Variants in NTRK1 observed in about 807,000 individuals in gnomAD.
The protein encoded by NTRK1 is neurotrophic receptor tyrosine kinase 1.
A neutral mutation model predicts 86.8 loss-of-function variants in NTRK1; 62 were observed. The ratio of observed to expected loss-of-function variants is 0.71; its 90% CI spans 0.58 to 0.88. The LOEUF (loss-of-function observed/expected upper bound fraction) is 0.88. Among genes scored for constraint, NTRK1 ranks in the 40% least tolerant of loss-of-function variants. The pLI is 0.00. For synonymous variants in NTRK1, 469 were observed against 456.6 expected, an observed-to-expected ratio of 1.03 and a Z score of -0.35; for missense variants, 967 against 1,078.4, an observed-to-expected ratio of 0.90 and a Z score of 1.45.
chr1:156,848,905 C>A (rs776757652), intron 2 of NTRK1: 2 of 1,554,704 alleles, frequency 1.3e-6, no homozygotes, highest in South Asian at 1.2e-5. Flanking sequence ...GCTCCGGCCC[C>A]GCCCCCGGCA....
Position 156,843,599 on chromosome 1 carries a change from TG to T in NTRK1, c.50+1408del, listed in dbSNP as rs1187781351. On this transcript the variant is annotated intron_variant, in intron 2 of 16. Coordinates refer to the NTRK1 transcript ENST00000392302. Reference sequence around the variant, plus strand: ...AAGTTACTGACCACACCCCCAGCCTTGGTCAGGGTGACTCCTGGGGATCCCT... The same window carrying T: ...AAGTTACTGACCACACCCCCAGCCTTGTCAGGGTGACTCCTGGGGATCCCT... 152 of 1,046,746 alleles carry T rather than the reference TG, an allele frequency of 1.5e-4. No homozygotes were observed. The African/African-American group carries it at 2.2e-3, about 15-fold the overall frequency. 64.8% of individuals were successfully genotyped at this position (1,046,746 alleles called of 1,614,324 possible).
chr1:156,865,470 C>T (rs1177843601), intron 3 of NTRK1, among the ~76,000 whole-genome samples: 3 of 152,188 alleles, frequency 2.0e-5, no homozygotes, highest in East Asian at 3.8e-4. Flanking sequence ...TGACAGGAGG[C>T]GGAGCTCAGG....
intron 2 of NTRK1, chr1:156,852,332 C>T (rs923664003): frequency 3.4e-5 from 28 of 812,804 alleles, no homozygotes; most frequent in South Asian, 1.2e-4. Flanking sequence ...CACTGGTTGC[C>T]GACTCTGTTC....
In NTRK1 at chr1:156,873,699, A is replaced by G. The variant is rs1647704858; in HGVS notation, c.917A>G (p.Asp306Gly). 8 of 1,611,384 alleles carry G rather than the reference A, an allele frequency of 5.0e-6. No homozygotes were observed. The highest frequency in any genetic ancestry group is 6.8e-6 in the Non-Finnish European group (8 of 1,179,398). ...MHHWCIPFSVDGQPAPSLRWL... is the reference protein window; with the variant it reads ...MHHWCIPFSVGGQPAPSLRWL... The stretch of plus-strand genomic sequence containing the variant: ...CACTGGTGCATCCCCTTCTCTGTGG[A>G]TGGGCAGCCGGCACCGTCTCTGCGC... Residue 306 changes from aspartate to glycine, a missense_variant, in exon 8 of 17, where the codon GAT (aspartate) becomes GGT (glycine). Asp to Gly is a moderately conservative substitution (Grantham distance 94). Around this residue, in one of 2 missense-constraint regions of NTRK1, gnomAD observed 637 missense variants for 776.5 expected, o/e 0.82. Transcript: ENST00000524377.
At chr1:156,818,957 C>G (rs1043498107) in intron 1 of NTRK1, among the ~76,000 whole-genome samples, 1 of 152,034 alleles carries the variant, frequency 6.6e-6, no homozygotes, top group African/African-American at 2.4e-5. Context: ...AAAACTGTTC[C>G]CTTTTCACCA....
At chr1:156,864,588 G>C (rs538733103) in intron 2 of NTRK1, 140 bp from the exon 3 acceptor site, 1 of 1,126,386 alleles carries the variant, frequency 8.9e-7, no homozygotes. Context: ...GAGGGGTCTA[G>C]AGTAGTTGAG....
At position 156,860,876 on chromosome 1, in the gene NTRK1, A is replaced by T; in HGVS notation, c.-59A>T. 2 of 1,389,724 alleles carry T rather than the reference A, an allele frequency of 1.4e-6. No homozygotes were observed. The highest frequency in any genetic ancestry group is 5.9e-5 in the East Asian group (2 of 34,154). 86.1% of individuals were successfully genotyped at this position (1,389,724 alleles called of 1,614,324 possible). ...GCGCACATGTCGGGGGAGGCCTGGC[A>T]GCTGCAGCTGGGAGCGCACAGACGG... is the stretch of plus-strand genomic sequence containing the variant. On this transcript the variant is annotated 5_prime_UTR_variant, in exon 1 of 17. Coordinates refer to ENST00000524377, the MANE Select transcript of NTRK1 (RefSeq NM_002529.4).
chr1:156,848,995 G>C, intron 2 of NTRK1: 1 of 1,612,868 alleles, frequency 6.2e-7, no homozygotes, highest in South Asian at 1.1e-5. Flanking sequence ...AGCGTAGCAG[G>C]ATGCGGTCTG....
At chr1:156,841,790 G>A (rs754528584) in intron 1 of NTRK1, 27 of 1,613,982 alleles carry the variant, frequency 1.7e-5, no homozygotes, top group Non-Finnish European at 2.3e-5. Context: ...GAGTCATCCC[G>A]AAGTCTGGAA....
At chr1:156,867,959 C>CTGT in intron 4 of NTRK1, 145 bp from the exon 5 acceptor site, 1 of 897,020 alleles carries the variant, frequency 1.1e-6, no homozygotes, top group South Asian at 1.4e-5. Context: ...GAATAACATC[C>CTGT]TGTTACTGGA....
At chr1:156,855,964 A>G (rs932013508), upstream of NTRK1, among the ~76,000 whole-genome samples, 2 of 151,816 alleles carry the variant, frequency 1.3e-5, no homozygotes, top group African/African-American at 4.8e-5. Flanking sequence ...ATTTTGAGAC[A>G]TGGTCTCACT....
At chr1:156,846,777 G>A (rs576843999) in intron 2 of NTRK1, 2 of 1,592,046 alleles carry the variant, frequency 1.3e-6, no homozygotes, top group Non-Finnish European at 1.7e-6. Flanking sequence ...CATCCCCAGA[G>A]CTGAGGGGTC....
chr1:156,828,391 ATG>A (rs1258789783), intron 1 of NTRK1, among the ~76,000 whole-genome samples: 1 of 152,144 alleles, frequency 6.6e-6, no homozygotes, highest in Non-Finnish European at 1.5e-5. Flanking sequence ...CTGAGTAACT[ATG>A]TATTGACATT....
chr1:156,872,764 C>T (rs957155803), intron 7 of NTRK1, among the ~76,000 whole-genome samples: 3 of 151,632 alleles, frequency 2.0e-5, no homozygotes, highest in Non-Finnish European at 4.4e-5. Context: ...CAAGCTCCGC[C>T]TCCCAGGTTC....
intron 5 of NTRK1, 68 bp from the exon 6 acceptor site, chr1:156,868,437 C>T (rs896901407): frequency 4.2e-5 from 65 of 1,547,802 alleles, no homozygotes; most frequent in Non-Finnish European, 5.1e-5. Flanking sequence ...GGAGCAGCCC[C>T]GCAGTAGAGT....
intron 1 of NTRK1, among the ~76,000 whole-genome samples, chr1:156,863,965 T>C (rs1464660407): frequency 6.6e-6 from 1 of 152,048 alleles, no homozygotes; most frequent in African/African-American, 2.4e-5. Context: ...TGTCCATGGG[T>C]GAGCGTGTTC....
chr1:156,874,390 C>A lies in NTRK1; in HGVS notation c.1185C>A (p.Phe395Leu), dbSNP rs143438931. 1.5e-5 allele frequency: 25 copies of A among 1,614,028 alleles called. No homozygotes were observed. The highest frequency in any genetic ancestry group is 2.7e-5 in the African/African-American group (2 of 74,908). The change falls in exon 9 of 17, where the codon TTC (phenylalanine) becomes TTA (leucine). Residue 395 changes from phenylalanine to leucine, a missense_variant. Physicochemically the swap from Phe to Leu is conservative, Grantham distance 22 (BLOSUM62 0). Transcript: ENST00000524377. ...FNPEDPIPVS[F>L]SPVDTNSTSG... is the part of the protein sequence containing the mutation. ...TCCTCCCTCCTGCTGCAGTCTCCTT[C>A]TCGCCGGTGGGTGAGTAGCCCAAGG...
rs999817679 is a variant in NTRK1, at chr1:156,874,301, C to A, written c.1178-82C>A. On this transcript the variant is annotated intron_variant, in intron 8 of 16. Transcript: ENST00000524377. ...ATGAAGGAATGAGTCCCAGAGTAGG[C>A]AGGGGACTCACTGCTTTCCTCCTCC... The A allele has an allele frequency of 8.2e-6, 13 of 1,581,422 alleles. No homozygotes were observed. The Admixed American group carries it at 2.0e-4, about 24-fold the overall frequency.
upstream of NTRK1, chr1:156,858,750 C>A: frequency 2.7e-6 from 2 of 730,170 alleles, no homozygotes; most frequent in South Asian, 1.5e-5. Context: ...GGCAGAGAGA[C>A]AAGGAATCCC....
Sources: gnomAD v4.1 joint callset for allele counts (sites outside exome capture counted in the v4.1 genomes callset) on GRCh38, gnomAD v4.1.1 for gene constraint, gnomAD v4.1.1 regional missense constraint, MANE v1.5 for transcripts, NCBI Gene and HGNC (gene_info 2026-07-23, HGNC 2026-07-21) for gene names.